The following COL15A1 variants were observed in gnomAD, a reference collection of about 807,000 sequenced individuals.
The protein encoded by COL15A1 is collagen alpha-1(XV) chain.
Under a neutral mutation model 165.9 loss-of-function variants are expected in COL15A1, and 111 were observed. That is an observed-to-expected ratio of 0.67 (90% confidence interval 0.57 to 0.78). The LOEUF (loss-of-function observed/expected upper bound fraction) is 0.78. Ranked by LOEUF, COL15A1 falls within the 30% of genes least tolerant of loss-of-function variation. The probability of loss-of-function intolerance (pLI) is 0.00; values close to 1 mark genes in which losing one functional copy is unlikely to be tolerated. For synonymous variants in COL15A1, 659 were observed against 674.8 expected, an observed-to-expected ratio of 0.98 and a Z score of 0.36; for missense variants, 1,745 against 1,789.7, an observed-to-expected ratio of 0.98 and a Z score of 0.45.
chr9:98,985,789 G>A lies in COL15A1; in HGVS notation c.325G>A (p.Ala109Thr), dbSNP rs544454009. Reference sequence around the variant, plus strand: ...CAGCACCCGTGGTGGCGTGCTCTTCGCCATCACTGACGCCTTCCAGAAGGT... The same window carrying A: ...CAGCACCCGTGGTGGCGTGCTCTTCACCATCACTGACGCCTTCCAGAAGGT... ...PSSTRGGVLF[A>T]ITDAFQKVIY... The change falls in exon 3 of 42, where the codon GCC (alanine) becomes ACC (threonine). Residue 109 changes from alanine (A) to threonine (T), a missense_variant. Coordinates refer to ENST00000375001, the MANE Select transcript of COL15A1 (RefSeq NM_001855.5). The A allele has an allele frequency of 9.3e-6, 15 of 1,613,888 alleles. No individual in the cohort carries two copies. Among genetic ancestry groups the A allele is most frequent in the African/African-American group, 1.3e-5 (1 of 74,944 alleles).
At chr9:99,025,663 T>C (rs1173173837) in intron 15 of COL15A1, among the ~76,000 whole-genome samples, 1 of 152,096 alleles carries the variant, frequency 6.6e-6, no homozygotes, top group Non-Finnish European at 1.5e-5. Context: ...TCCAACCCTG[T>C]CTCTAACTTC....
In COL15A1 at chr9:98,989,267, T is replaced by C; in HGVS notation, c.804+9T>C. 6.2e-7 allele frequency: 1 copy of C among 1,604,426 alleles called. No homozygotes were observed. The highest frequency in any genetic ancestry group is 8.5e-7 in the Non-Finnish European group (1 of 1,171,850). ...CCTACACTCAAGCCTCGGTGAGTAC[T>C]GGGATGCTGTGCCATGTGATCTTGC... is the stretch of plus-strand genomic sequence containing the variant. On this transcript the variant is annotated intron_variant, in intron 5 of 41. Coordinates refer to ENST00000375001, the MANE Select transcript of COL15A1 (RefSeq NM_001855.5).
intron 2 of COL15A1, among the ~76,000 whole-genome samples, chr9:98,975,596 C>G (rs1838129377): frequency 6.6e-6 from 1 of 152,184 alleles, no homozygotes; most frequent in East Asian, 1.9e-4. Flanking sequence ...GGCTTTGGAC[C>G]CTTGGGAGGA....
At chr9:98,998,565 G>A (rs541040369) in intron 6 of COL15A1, among the ~76,000 whole-genome samples, 3 of 152,304 alleles carry the variant, frequency 2.0e-5, no homozygotes, top group East Asian at 1.9e-4. Context: ...TTCCTTAGCC[G>A]TCCTCTGGGA....
rs1210778740 is a variant in COL15A1, at chr9:99,047,997, G to A, written c.2790G>A (p.Met930Ile). The change falls in exon 28 of 42, where the codon ATG becomes ATA. Residue 930 changes from methionine to isoleucine, a missense_variant. Coordinates refer to ENST00000375001, the MANE Select transcript of COL15A1 (RefSeq NM_001855.5). ...KGTKGDPGVI[M>I]QGPPGLPGPP... ...CCAAAGGAGATCCAGGGGTCATTAT[G>A]CAGGTGAGTCACCCTGGGGATGGAG... The A allele has an allele frequency of 2.6e-6, 4 of 1,554,632 alleles. No individual in the cohort carries two copies. The highest frequency in any genetic ancestry group is 2.0e-4 in the Middle Eastern group (1 of 5,122).
Position 99,070,168 on chromosome 9 carries a change from C to CA in COL15A1, c.*285dup. The CA allele has an allele frequency of 2.9e-6, 1 of 341,292 alleles. No homozygotes were observed. Among genetic ancestry groups the CA allele is most frequent in the Non-Finnish European group, 5.4e-6 (1 of 185,768 alleles). The allele number at this position is 341,292 out of a possible 1,614,324, so 21.1% of individuals were successfully genotyped here. ...ACATAGGTTAAGAGCAAGTTGAAAA[C>CA]AAAGGCCATGGCATTCTGCCACTGC... On this transcript the variant is annotated 3_prime_UTR_variant, in exon 42 of 42. Transcript: ENST00000375001.
In COL15A1 at chr9:98,944,223, G is replaced by A. The variant is rs760413730; in HGVS notation, c.73G>A (p.Ala25Thr). The change falls in exon 2 of 42, where the codon GCT (alanine) becomes ACT (threonine). Residue 25 changes from alanine to threonine, a missense_variant. By Grantham distance (58) the Ala-to-Thr change is moderately conservative. Coordinates refer to ENST00000375001, the MANE Select transcript of COL15A1 (RefSeq NM_001855.5). ...GCTCTCGGTCTCCACGCCCCTCCCT[G>A]CTGTCACCCAGACCCGCGGTGCGAC... ...MLLSVSTPLP[A>T]VTQTRGATET... is the part of the protein sequence containing the mutation. 3.7e-6 allele frequency: 6 copies of A among 1,613,998 alleles called. No homozygotes were observed. In the Admixed American group the frequency reaches 1.0e-4, roughly 27 times the overall value.
intron 2 of COL15A1, among the ~76,000 whole-genome samples, chr9:98,960,378 TG>T (rs1220244232): frequency 2.0e-5 from 3 of 151,958 alleles, no homozygotes; most frequent in African/African-American, 7.3e-5. Flanking sequence ...AACCCCAGCC[TG>T]GGTGACAAAG....
At chr9:98,957,703 G>T (rs1837799952) in intron 2 of COL15A1, among the ~76,000 whole-genome samples, 1 of 152,096 alleles carries the variant, frequency 6.6e-6, no homozygotes, top group Non-Finnish European at 1.5e-5. Flanking sequence ...GTGTGAGACA[G>T]GTTCTCACTC....
intron 33 of COL15A1, 26 bp downstream of exon 33, chr9:99,055,177 G>A (rs1252357804): frequency 1.2e-6 from 2 of 1,608,886 alleles, no homozygotes; most frequent in Non-Finnish European, 1.7e-6. Context: ...CCAATATTTG[G>A]CCTGTGTTTT....
intron 2 of COL15A1, among the ~76,000 whole-genome samples, chr9:98,979,883 C>T (rs547280284): frequency 2.6e-5 from 4 of 152,082 alleles, no homozygotes; most frequent in South Asian, 4.2e-4. Context: ...GGAGGCTGAG[C>T]GCAGGGGCTC....
At chr9:99,064,112 C>A (rs1053503074) in intron 39 of COL15A1, among the ~76,000 whole-genome samples, 1 of 149,134 alleles carries the variant, frequency 6.7e-6, no homozygotes, top group Non-Finnish European at 1.5e-5. Context: ...CCCAACCTCA[C>A]CCCAAAACAC....
chr9:98,960,798 A>G (rs1837853487), intron 2 of COL15A1, among the ~76,000 whole-genome samples: 1 of 152,210 alleles, frequency 6.6e-6, no homozygotes, highest in Non-Finnish European at 1.5e-5. Flanking sequence ...GTGGCCAGTA[A>G]CAAGGTTCCA....
intron 2 of COL15A1, among the ~76,000 whole-genome samples, 161 bp from the exon 3 acceptor site, chr9:98,985,404 T>C (rs1002789537): frequency 2.6e-5 from 4 of 152,232 alleles, no homozygotes; most frequent in African/African-American, 9.6e-5. Context: ...CATTTCTTTT[T>C]GTGGGTCGTT....
intron 39 of COL15A1, among the ~76,000 whole-genome samples, chr9:99,064,728 G>A (rs1400419383): frequency 6.6e-6 from 1 of 152,178 alleles, no homozygotes; most frequent in Non-Finnish European, 1.5e-5. Flanking sequence ...GAACCAAAAG[G>A]TGTCCTTCAA....
chr9:99,037,529 G>A (rs560606002), intron 21 of COL15A1, among the ~76,000 whole-genome samples: 11 of 152,056 alleles, frequency 7.2e-5, no homozygotes, highest in Non-Finnish European at 1.0e-4. Flanking sequence ...GACCAGCCTG[G>A]GCAACATAGC....
rs1825945055 is a variant in COL15A1 at position 99,069,253 on chromosome 9, TAATTG to T, written c.3954-419_3954-415del. ...AACTGTGACTCTAGACAGAATATTG[TAATTG>T]TAAGTGGAGAAACAGGTACCATAGG... On this transcript the variant is annotated intron_variant, in intron 41 of 41. Coordinates refer to ENST00000375001, the MANE Select transcript of COL15A1 (RefSeq NM_001855.5). Among the ~76,000 whole-genome samples, 4 of 84,288 alleles carry T rather than the reference TAATTG, an allele frequency of 4.7e-5. No homozygotes were observed. The East Asian group carries it at 3.6e-3, about 75-fold the overall frequency. 55.3% of individuals were successfully genotyped at this position (84,288 alleles called of 152,430 possible).
intron 30 of COL15A1, 44 bp from the exon 31 acceptor site, chr9:99,052,344 C>T (rs4142986): frequency 7.4e-6 from 11 of 1,489,252 alleles, no homozygotes; most frequent in Middle Eastern, 3.6e-4. Context: ...GCAAACACCA[C>T]GGCAGAGCTT....
chr9:99,040,592 C>T (rs762011193), intron 23 of COL15A1, 36 bp downstream of exon 23: 54 of 1,614,076 alleles, frequency 3.3e-5, no homozygotes, highest in Non-Finnish European at 4.2e-5. Context: ...ATCTGTGCCC[C>T]GTGGCTGCGA....
Sources: gnomAD v4.1 joint callset for allele counts (sites outside exome capture counted in the v4.1 genomes callset) on GRCh38, gnomAD v4.1.1 for gene constraint, MANE v1.5 for transcripts, NCBI Gene and HGNC (gene_info 2026-07-23, HGNC 2026-07-21) for gene names.